The following CSMD1 variants were observed in gnomAD, a reference collection of about 807,000 sequenced individuals.
CSMD1 encodes the protein CUB and Sushi multiple domains 1, also known as CUB and sushi domain-containing protein 1.
CSMD1 carries 213 observed loss-of-function variants against 417.5 expected under a neutral mutation model. That is an observed-to-expected ratio of 0.51 (90% CI 0.46 to 0.57). The LOEUF (loss-of-function observed/expected upper bound fraction) is 0.57, where lower values mean the gene tolerates loss of function less well. Among genes scored for constraint, CSMD1 ranks in the 20% least tolerant of loss-of-function variants. CSMD1 has a pLI of 0.00. For missense variants in CSMD1, 6,923 were observed against 4,529.7 expected, an observed-to-expected ratio of 1.53 and a Z score of -15.17; for synonymous variants, 2,862 against 1,736.8, an observed-to-expected ratio of 1.65 and a Z score of -16.11.
chr8:3,203,602 A>C (rs1485092261), intron 31 of CSMD1, among the ~76,000 whole-genome samples: 2 of 152,216 alleles, frequency 1.3e-5, no homozygotes, highest in African/African-American at 4.8e-5. Flanking sequence ...AACTTCAGCT[A>C]ACACTCCGTG....
intron 5 of CSMD1, among the ~76,000 whole-genome samples, chr8:3,942,862 T>G (rs1810974302): frequency 2.0e-5 from 3 of 152,198 alleles, no homozygotes; most frequent in Admixed American, 2.0e-4. Flanking sequence ...CACAAATTGA[T>G]GTGATAATGT....
Position 4,799,458 on chromosome 8 carries a change from G to T in CSMD1, c.86-161900C>A, listed in dbSNP as rs566308892. Among the ~76,000 whole-genome samples the T allele has an allele frequency of 8.6e-5, 13 of 151,852 alleles. No individual in the cohort carries two copies. In the South Asian group the frequency reaches 1.7e-3, roughly 20 times the overall value. ...CTAAAAATACAAAAATTAGCCAGGC[G>T]CGTAATGGTGTGTGCCTGTAGCCCC... On this transcript the variant is annotated intron_variant, in intron 1 of 69. Coordinates refer to ENST00000635120, the MANE Select transcript of CSMD1 (RefSeq NM_033225.6).
intron 18 of CSMD1, 60 bp from the exon 19 acceptor site, chr8:3,369,430 A>C: frequency 1.2e-6 from 1 of 811,136 alleles, no homozygotes; most frequent in South Asian, 1.5e-5. Context: ...TGCCAGAACA[A>C]AATACTGGTT....
At chr8:3,895,550 T>A (rs1584926837) in intron 5 of CSMD1, among the ~76,000 whole-genome samples, 1 of 152,232 alleles carries the variant, frequency 6.6e-6, no homozygotes, top group East Asian at 1.9e-4. Flanking sequence ...TAAAAGGATA[T>A]AAGCACATGA....
chr8:3,873,829 T>C (rs1281658900), intron 5 of CSMD1, among the ~76,000 whole-genome samples: 2 of 152,242 alleles, frequency 1.3e-5, no homozygotes, highest in South Asian at 2.1e-4. Context: ...GTCACGGTGT[T>C]TGTAGTTTCT....
intron 23 of CSMD1, among the ~76,000 whole-genome samples, chr8:3,309,044 G>C (rs1050606334): frequency 1.2e-4 from 19 of 152,010 alleles, no homozygotes; most frequent in African/African-American, 3.6e-4. Context: ...TTGTTTTCCG[G>C]AGTTCCACAA....
chr8:4,956,888 T>C (rs776737246), intron 1 of CSMD1, among the ~76,000 whole-genome samples: 4 of 152,090 alleles, frequency 2.6e-5, no homozygotes, highest in African/African-American at 4.8e-5. Flanking sequence ...CAAGCGGCAA[T>C]CCCCAACCAG....
intron 6 of CSMD1, among the ~76,000 whole-genome samples, chr8:3,725,602 G>T (rs998485160): frequency 6.6e-6 from 1 of 152,116 alleles, no homozygotes; most frequent in East Asian, 1.9e-4. Flanking sequence ...GATGGCTTAG[G>T]AGAGAGAAGG....
intron 2 of CSMD1, among the ~76,000 whole-genome samples, chr8:4,600,328 A>T (rs1406719214): frequency 6.6e-6 from 1 of 152,206 alleles, no homozygotes; most frequent in Non-Finnish European, 1.5e-5. Flanking sequence ...GTAGAAATGG[A>T]AAGTTAGTCA....
intron 5 of CSMD1, among the ~76,000 whole-genome samples, chr8:3,993,079 A>G (rs893072784): frequency 1.3e-5 from 2 of 152,250 alleles, no homozygotes; most frequent in Admixed American, 1.3e-4. Context: ...AGAGGAAATC[A>G]AACAGAGTCT....
intron 10 of CSMD1, among the ~76,000 whole-genome samples, chr8:3,513,247 C>G (rs1033720096): frequency 3.3e-5 from 5 of 151,958 alleles, no homozygotes; most frequent in Non-Finnish European, 7.4e-5. Context: ...TAGTTTTCCC[C>G]TATTTGGAAA....
intron 1 of CSMD1, among the ~76,000 whole-genome samples, chr8:4,834,510 T>C (rs1800341720): frequency 6.6e-6 from 1 of 151,884 alleles, no homozygotes; most frequent in Non-Finnish European, 1.5e-5. Context: ...TTGTAAGGGA[T>C]CAACACATGA....
chr8:4,636,324 T>G (rs1408355918), intron 2 of CSMD1, among the ~76,000 whole-genome samples: 1 of 152,258 alleles, frequency 6.6e-6, no homozygotes, highest in African/African-American at 2.4e-5. Context: ...AAAATATAAT[T>G]TAAAAATGAT....
intron 10 of CSMD1, among the ~76,000 whole-genome samples, chr8:3,514,671 T>A (rs1010964987): frequency 3.3e-5 from 5 of 152,200 alleles, no homozygotes; most frequent in African/African-American, 1.2e-4. Context: ...ATTTTTTTTA[T>A]CATATTTGTA....
intron 5 of CSMD1, among the ~76,000 whole-genome samples, chr8:3,882,220 T>G (rs927243027): frequency 2.0e-5 from 3 of 149,258 alleles, no homozygotes; most frequent in Non-Finnish European, 4.5e-5. Flanking sequence ...ACCCATAAAG[T>G]GGAAAAAAAA....
At chr8:3,263,984 T>G (rs1801263009) in intron 26 of CSMD1, among the ~76,000 whole-genome samples, 2 of 152,216 alleles carry the variant, frequency 1.3e-5, no homozygotes, top group Non-Finnish European at 2.9e-5. Flanking sequence ...TGCATCCTCA[T>G]GAAACTGAAA....
chr8:3,472,691 C>G (rs1817175245), intron 11 of CSMD1, among the ~76,000 whole-genome samples: 1 of 152,034 alleles, frequency 6.6e-6, no homozygotes, highest in Non-Finnish European at 1.5e-5. Flanking sequence ...TGTTATTGCC[C>G]TAAGTCGTCA....
At chr8:3,199,601 A>G (rs919118448) in intron 33 of CSMD1, 113 bp downstream of exon 33, 11 of 481,670 alleles carry the variant, frequency 2.3e-5, no homozygotes, top group African/African-American at 2.2e-4. Context: ...CAGCTCCTTA[A>G]ATATTACAAA....
chr8:4,196,388 C>G (rs897691086), intron 3 of CSMD1, among the ~76,000 whole-genome samples: 1 of 152,116 alleles, frequency 6.6e-6, no homozygotes, highest in African/African-American at 2.4e-5. Flanking sequence ...AAATTCAATA[C>G]AGGCCTCACT....
Sources: allele counts gnomAD v4.1 joint callset (sites outside exome capture counted in the v4.1 genomes callset), GRCh38; gene constraint gnomAD v4.1.1; transcripts MANE v1.5; gene names NCBI Gene and HGNC (gene_info 2026-07-23, HGNC 2026-07-21).